The following CAST variants were observed in gnomAD, a reference collection of about 807,000 sequenced individuals.
The protein encoded by CAST is calpastatin, also known as MIR583 host.
Under a neutral mutation model 119.6 loss-of-function variants are expected in CAST, and 76 were observed. That is an observed-to-expected ratio of 0.64 (90% CI 0.53 to 0.77). The LOEUF (loss-of-function observed/expected upper bound fraction) is 0.77, where lower values mean the gene tolerates loss of function less well. Ranked by LOEUF, CAST falls within the 30% of genes least tolerant of loss-of-function variation. CAST has a pLI of 0.00. For missense variants in CAST, 953 were observed against 946.5 expected, an observed-to-expected ratio of 1.01 and a Z score of -0.09; for synonymous variants, 319 against 331.6, an observed-to-expected ratio of 0.96 and a Z score of 0.41.
chr5:96,058,717 T>A, the CAST span, among the ~76,000 whole-genome samples: 1 of 152,046 alleles, frequency 6.6e-6, no homozygotes, highest in African/African-American at 2.4e-5. Context: ...TTTCAGATTT[T>A]TGAGAGGTAC....
At chr5:96,394,735 C>T in the CAST span, 2 of 803,548 alleles carry the variant, frequency 2.5e-6, no homozygotes, top group Admixed American at 1.8e-5. Context: ...AATAGTTTAC[C>T]ACTATCACTT....
intron 18 of CAST, among the ~76,000 whole-genome samples, chr5:96,748,195 TA>T (rs538854573): frequency 2.2e-4 from 33 of 152,146 alleles, no homozygotes; most frequent in Non-Finnish European, 4.3e-4. Flanking sequence ...TAATCACATT[TA>T]AAAAAATTAT....
chr5:96,502,148 A>G, the CAST span, among the ~76,000 whole-genome samples: 1 of 152,188 alleles, frequency 6.6e-6, no homozygotes, highest in Non-Finnish European at 1.5e-5. Flanking sequence ...TTTTTCTCTC[A>G]CAGCACTCAT....
the CAST span, chr5:96,392,906 A>C: frequency 8.1e-7 from 1 of 1,234,758 alleles, no homozygotes; most frequent in Admixed American, 1.7e-5. Context: ...TTATAAGCAT[A>C]AGAATTCATG....
At chr5:95,981,325 G>A in the CAST span, among the ~76,000 whole-genome samples, 1 of 152,158 alleles carries the variant, frequency 6.6e-6, no homozygotes, top group Non-Finnish European at 1.5e-5. Context: ...CACTGAGCAG[G>A]CCCTGGGCCT....
the CAST span, among the ~76,000 whole-genome samples, chr5:96,167,293 C>T: frequency 8.9e-4 from 136 of 152,136 alleles, 1 homozygote; most frequent in African/African-American, 3.0e-3. Flanking sequence ...CAGTGTAAAC[C>T]GGCAGTGTAA....
chr5:96,444,147 G>T, the CAST span, among the ~76,000 whole-genome samples: 1 of 152,186 alleles, frequency 6.6e-6, no homozygotes, highest in Non-Finnish European at 1.5e-5. Context: ...TATGGAGCTT[G>T]TAAAGACTAA....
intron 2 of CAST, among the ~76,000 whole-genome samples, chr5:96,679,121 A>G (rs77818137): frequency 0.054 from 8,276 of 152,024 alleles, 559 homozygotes; most frequent in East Asian, 0.21. Context: ...CACCTCCCAA[A>G]GTGCCAGGAT....
chr5:96,643,113 A>G (rs1369077505), intron 1 of CAST, among the ~76,000 whole-genome samples: 1 of 152,202 alleles, frequency 6.6e-6, no homozygotes, highest in Non-Finnish European at 1.5e-5. Context: ...ATACAAAACA[A>G]CGTTCACAAT....
intron 3 of CAST, among the ~76,000 whole-genome samples, chr5:96,701,659 G>T (rs1753903508): frequency 6.6e-6 from 1 of 152,016 alleles, no homozygotes; most frequent in Admixed American, 6.5e-5. Context: ...ACAAAAATTA[G>T]CTAGGTGTGG....
the CAST span, among the ~76,000 whole-genome samples, chr5:96,512,866 A>G: frequency 6.6e-6 from 1 of 152,250 alleles, no homozygotes; most frequent in Non-Finnish European, 1.5e-5. Flanking sequence ...TAGGAACACA[A>G]ACGAAGATTT....
At chr5:96,011,919 C>T in the CAST span, among the ~76,000 whole-genome samples, 2 of 151,976 alleles carry the variant, frequency 1.3e-5, no homozygotes, top group African/African-American at 2.4e-5. Context: ...ACTACACAAA[C>T]CTAGAATGCA....
the CAST span, among the ~76,000 whole-genome samples, chr5:96,161,559 G>A: frequency 1.3e-5 from 2 of 152,120 alleles, no homozygotes; most frequent in Non-Finnish European, 2.9e-5. Context: ...TTAAAAGCAG[G>A]AGGTATGAGT....
chr5:96,006,626 G>T, the CAST span, among the ~76,000 whole-genome samples: 1 of 152,110 alleles, frequency 6.6e-6, no homozygotes, highest in African/African-American at 2.4e-5. Flanking sequence ...CCAGGGTCAG[G>T]GGTGTCACTT....
the CAST span, among the ~76,000 whole-genome samples, chr5:96,058,466 T>C: frequency 1.3e-5 from 2 of 152,096 alleles, no homozygotes; most frequent in Non-Finnish European, 2.9e-5. Context: ...TCCTCCTCAG[T>C]CAACTTCATG....
chr5:96,343,717 C>G, the CAST span, among the ~76,000 whole-genome samples: 2 of 152,150 alleles, frequency 1.3e-5, no homozygotes, highest in East Asian at 3.9e-4. Context: ...TTAGGCATTG[C>G]AGCACAATTT....
chr5:96,419,386 A>G, the CAST span, among the ~76,000 whole-genome samples: 5 of 56,496 alleles, frequency 8.9e-5, no homozygotes, highest in Non-Finnish European at 1.3e-4. Context: ...AATACTTATT[A>G]TATATATATA....
chr5:96,017,203 A>C, the CAST span, among the ~76,000 whole-genome samples: 1 of 152,084 alleles, frequency 6.6e-6, no homozygotes, highest in Admixed American at 6.6e-5. Context: ...TGACAAGTAA[A>C]ATTTTCAATT....
At chr5:96,449,235 C>T in the CAST span, among the ~76,000 whole-genome samples, 1 of 152,182 alleles carries the variant, frequency 6.6e-6, no homozygotes, top group Non-Finnish European at 1.5e-5. Context: ...GACACATACT[C>T]AGTGTTCACA....
Sources: gnomAD v4.1 joint callset for allele counts (sites outside exome capture counted in the v4.1 genomes callset) on GRCh38, gnomAD v4.1.1 for gene constraint, MANE v1.5 for transcripts, NCBI Gene and HGNC (gene_info 2026-07-23, HGNC 2026-07-21) for gene names.